Variants in CHST9 observed in about 807,000 individuals in gnomAD.
The protein encoded by CHST9 is carbohydrate sulfotransferase 9, also known as GalNAc-4-sulfotransferase 2.
CHST9 carries 41 observed loss-of-function variants against 44.4 expected under a neutral mutation model. That is an observed-to-expected ratio of 0.92 (90% CI 0.72 to 1.20). The LOEUF is 1.20. CHST9 is among the 50% of genes most tolerant of loss of function. The pLI is 0.00. For missense variants in CHST9, 504 were observed against 516.5 expected, an observed-to-expected ratio of 0.98 and a Z score of 0.23; for synonymous variants, 171 against 178.4, an observed-to-expected ratio of 0.96 and a Z score of 0.33.
At chr18:27,082,222 A>G (rs889955744) in intron 2 of CHST9, among the ~76,000 whole-genome samples, 4 of 152,236 alleles carry the variant, frequency 2.6e-5, no homozygotes, top group African/African-American at 9.6e-5. Context: ...AGTACTGTCA[A>G]AATAACAGAT....
chr18:27,019,710 A>AAAAAAG (rs960028668), intron 4 of CHST9, among the ~76,000 whole-genome samples: 7 of 150,838 alleles, frequency 4.6e-5, no homozygotes, highest in Non-Finnish European at 7.4e-5. Flanking sequence ...AAAAAAAAAA[A>AAAAAAG]AGAGAGAAAA....
At chr18:27,158,477 A>T (rs62082922) in intron 1 of CHST9, among the ~76,000 whole-genome samples, 1 of 148,716 alleles carries the variant, frequency 6.7e-6, no homozygotes, top group Non-Finnish European at 1.5e-5. Flanking sequence ...GTGTATATGT[A>T]CCACAATTTC....
At chr18:27,013,090 C>T (rs997424526) in intron 4 of CHST9, among the ~76,000 whole-genome samples, 17 of 152,122 alleles carry the variant, frequency 1.1e-4, no homozygotes, top group Admixed American at 2.0e-4. Flanking sequence ...TGGGTAGGGC[C>T]ACTCAAACTC....
chr18:27,138,311 T>C (rs947419970), intron 2 of CHST9, among the ~76,000 whole-genome samples: 2 of 152,152 alleles, frequency 1.3e-5, no homozygotes. Flanking sequence ...CTTCAAGAAA[T>C]ACTGCTGGAT....
chr18:27,101,246 TA>T (rs2058167974), intron 2 of CHST9, among the ~76,000 whole-genome samples: 2 of 152,278 alleles, frequency 1.3e-5, no homozygotes, highest in South Asian at 4.1e-4. Flanking sequence ...TGCACAGAGG[TA>T]AAAAATATAT....
intron 4 of CHST9, among the ~76,000 whole-genome samples, chr18:26,962,639 T>A (rs2056415065): frequency 6.6e-6 from 1 of 152,160 alleles, no homozygotes; most frequent in South Asian, 2.1e-4. Context: ...TCAATCTGAA[T>A]GTGGCCTCTG....
intron 1 of CHST9, among the ~76,000 whole-genome samples, chr18:27,184,000 A>G (rs950749697): frequency 2.6e-5 from 4 of 152,182 alleles, no homozygotes; most frequent in Non-Finnish European, 4.4e-5. Flanking sequence ...AACCGAGAGG[A>G]ATAATAACAA....
chr18:27,171,987 C>T (rs575314437), intron 1 of CHST9, among the ~76,000 whole-genome samples: 1 of 152,206 alleles, frequency 6.6e-6, no homozygotes, highest in South Asian at 2.1e-4. Context: ...TGGTTATGTA[C>T]TTGGTCTAGA....
At chr18:27,050,010 G>C (rs2057546731) in intron 2 of CHST9, among the ~76,000 whole-genome samples, 1 of 152,166 alleles carries the variant, frequency 6.6e-6, no homozygotes, top group Admixed American at 6.6e-5. Flanking sequence ...TCAAGTTTTA[G>C]AAGTATGGGG....
At chr18:27,031,434 CCTTT>C (rs1182274091) in intron 3 of CHST9, among the ~76,000 whole-genome samples, 1 of 152,100 alleles carries the variant, frequency 6.6e-6, no homozygotes. Context: ...ACCTTTTGAT[CCTTT>C]CTTTCTATAT....
chr18:27,099,589 T>C (rs1395131272), intron 2 of CHST9, among the ~76,000 whole-genome samples: 1 of 150,316 alleles, frequency 6.7e-6, no homozygotes, highest in Non-Finnish European at 1.5e-5. Flanking sequence ...TACATACAAG[T>C]GGCCAAGAAA....
At chr18:27,069,519 A>T (rs2057816856) in intron 2 of CHST9, among the ~76,000 whole-genome samples, 1 of 152,344 alleles carries the variant, frequency 6.6e-6, no homozygotes. Context: ...TCCTATACTC[A>T]TATTAAATAC....
intron 1 of CHST9, among the ~76,000 whole-genome samples, chr18:27,164,972 A>G (rs2058778656): frequency 6.6e-6 from 1 of 152,246 alleles, no homozygotes; most frequent in Non-Finnish European, 1.5e-5. Flanking sequence ...ATACCAGAGG[A>G]CATAACAAGG....
intron 2 of CHST9, among the ~76,000 whole-genome samples, chr18:27,053,263 A>AAGAAGAAGAG: frequency 1.4e-5 from 1 of 69,350 alleles, no homozygotes; most frequent in African/African-American, 5.6e-5. Context: ...AAGAAGAAGG[A>AAGAAGAAGAG]GAAGGAGAAG....
chr18:26,995,916 T>C (rs1312883979), intron 4 of CHST9, among the ~76,000 whole-genome samples: 1 of 152,250 alleles, frequency 6.6e-6, no homozygotes, highest in Non-Finnish European at 1.5e-5. Context: ...GCTGCAATTT[T>C]AGTTTCCCTC....
At chr18:26,918,164 A>T (rs1392771876) in intron 5 of CHST9, among the ~76,000 whole-genome samples, 2 of 152,146 alleles carry the variant, frequency 1.3e-5, no homozygotes, top group Non-Finnish European at 2.9e-5. Context: ...GTAAAAGAAG[A>T]CATGGAAGAC....
At chr18:26,938,297 A>G (rs2056029304) in intron 5 of CHST9, among the ~76,000 whole-genome samples, 1 of 152,182 alleles carries the variant, frequency 6.6e-6, no homozygotes, top group Non-Finnish European at 1.5e-5. Flanking sequence ...GACATCTTTT[A>G]TAAATTCTTC....
chr18:27,051,742 C>T (rs1452836904), intron 2 of CHST9, among the ~76,000 whole-genome samples: 3 of 152,216 alleles, frequency 2.0e-5, no homozygotes, highest in African/African-American at 7.2e-5. Context: ...GAGTCCCCTA[C>T]AGAAACCATG....
chr18:26,960,992 G>A (rs1009222328), intron 4 of CHST9, among the ~76,000 whole-genome samples: 8 of 152,180 alleles, frequency 5.3e-5, no homozygotes, highest in African/African-American at 1.2e-4. Flanking sequence ...TTCAGTAAGC[G>A]CTTACAACAT....
Sources: gnomAD v4.1 joint callset for allele counts (sites outside exome capture counted in the v4.1 genomes callset) on GRCh38, gnomAD v4.1.1 for gene constraint, MANE v1.5 for transcripts, NCBI Gene and HGNC (gene_info 2026-07-23, HGNC 2026-07-21) for gene names.